The following BRD10 variants were observed in gnomAD, a reference collection of about 807,000 sequenced individuals.
BRD10 encodes the protein bromodomain containing 10.
the BRD10 span, among the ~76,000 whole-genome samples, chr9:5,983,069 G>A: frequency 6.6e-6 from 1 of 152,178 alleles, no homozygotes; most frequent in African/African-American, 2.4e-5. Context: ...TGTCCTGGCT[G>A]TGACTTCCTA....
the BRD10 span, among the ~76,000 whole-genome samples, chr9:5,954,741 G>C: frequency 6.6e-6 from 1 of 152,240 alleles, no homozygotes; most frequent in South Asian, 2.1e-4. Flanking sequence ...AGTATACACT[G>C]AAATATATCT....
chr9:5,995,251 C>CT, the BRD10 span, among the ~76,000 whole-genome samples: 2 of 152,186 alleles, frequency 1.3e-5, no homozygotes, highest in Non-Finnish European at 2.9e-5. Context: ...TCGCAGGTGA[C>CT]TGCCCATAAC....
the BRD10 span, among the ~76,000 whole-genome samples, chr9:5,958,646 G>T: frequency 1.3e-5 from 2 of 151,582 alleles, no homozygotes; most frequent in African/African-American, 4.8e-5. Flanking sequence ...GGAAGAAAAA[G>T]AACAGAAAAA....
At chr9:5,888,379 G>A in the BRD10 span, among the ~76,000 whole-genome samples, 3 of 152,170 alleles carry the variant, frequency 2.0e-5, no homozygotes, top group Non-Finnish European at 4.4e-5. Context: ...AATAAATGTG[G>A]TTATGTTATA....
the BRD10 span, chr9:5,906,869 T>A: frequency 6.6e-7 from 1 of 1,510,690 alleles, no homozygotes; most frequent in South Asian, 1.3e-5. Context: ...CTCACCTTTA[T>A]CAATTTACAT....
the BRD10 span, among the ~76,000 whole-genome samples, chr9:5,953,748 A>G: frequency 6.6e-6 from 1 of 151,762 alleles, no homozygotes; most frequent in African/African-American, 2.4e-5. Flanking sequence ...TTTCTATTAA[A>G]CTGCTTCTAG....
the BRD10 span, among the ~76,000 whole-genome samples, chr9:5,882,639 C>G: frequency 6.6e-5 from 10 of 152,142 alleles, no homozygotes; most frequent in Non-Finnish European, 1.0e-4. Flanking sequence ...TCTTTGTAGC[C>G]CAAAATAATT....
the BRD10 span, among the ~76,000 whole-genome samples, chr9:5,943,613 A>G: frequency 6.6e-6 from 1 of 152,060 alleles, no homozygotes; most frequent in South Asian, 2.1e-4. Context: ...TTTGAGGAAT[A>G]TATCACAGCA....
At chr9:5,921,728 G>A in the BRD10 span, 1 of 1,613,774 alleles carries the variant, frequency 6.2e-7, no homozygotes, top group Non-Finnish European at 8.5e-7. Context: ...TCCAAAATTT[G>A]CTGCTGATAT....
the BRD10 span, chr9:5,899,405 T>A: frequency 6.6e-6 from 1 of 152,226 alleles, no homozygotes; most frequent in Non-Finnish European, 1.5e-5. Context: ...CCCCAATGTC[T>A]TTCCAGAGCA....
At chr9:5,922,013 G>C in the BRD10 span, 2 of 1,614,022 alleles carry the variant, frequency 1.2e-6, no homozygotes, top group African/African-American at 2.7e-5. Context: ...AGAGGAAGAA[G>C]TTGTTGATTT....
At chr9:5,888,526 A>T in the BRD10 span, among the ~76,000 whole-genome samples, 13 of 152,232 alleles carry the variant, frequency 8.5e-5, no homozygotes, top group African/African-American at 3.1e-4. Flanking sequence ...CGAGTTCAAA[A>T]TGAGTTATAA....
chr9:5,918,815 CAAAAAAAA>C, the BRD10 span, among the ~76,000 whole-genome samples: 1 of 104,880 alleles, frequency 9.5e-6, no homozygotes, highest in Non-Finnish European at 2.0e-5. Context: ...ACAGGTGAGT[CAAAAAAAA>C]AAAAAAAAAA....
At chr9:5,948,281 G>A in the BRD10 span, among the ~76,000 whole-genome samples, 1 of 152,128 alleles carries the variant, frequency 6.6e-6, no homozygotes, top group Non-Finnish European at 1.5e-5. Context: ...GGAAACCACA[G>A]AACCCAGGAC....
At chr9:5,992,133 T>A in the BRD10 span, among the ~76,000 whole-genome samples, 3 of 152,230 alleles carry the variant, frequency 2.0e-5, no homozygotes, top group Non-Finnish European at 4.4e-5. Flanking sequence ...AGTTTCTTTT[T>A]CATGTCACTT....
At chr9:5,975,862 A>C in the BRD10 span, among the ~76,000 whole-genome samples, 1 of 152,200 alleles carries the variant, frequency 6.6e-6, no homozygotes, top group East Asian at 1.9e-4. Context: ...TTGGGGGTTA[A>C]AAATGAGACA....
At chr9:5,921,702 T>C in the BRD10 span, 6 of 1,613,942 alleles carry the variant, frequency 3.7e-6, no homozygotes, top group Non-Finnish European at 5.1e-6. Flanking sequence ...GTATGAATAA[T>C]ATTTGCATTG....
At chr9:5,897,538 T>C in the BRD10 span, 1 of 1,605,916 alleles carries the variant, frequency 6.2e-7, no homozygotes, top group African/African-American at 1.3e-5. Context: ...AAAGTGGATT[T>C]GTCTATCTCT....
the BRD10 span, chr9:5,988,299 T>C: frequency 6.7e-7 from 1 of 1,483,640 alleles, no homozygotes; most frequent in Non-Finnish European, 9.4e-7. Flanking sequence ...TATGGGCACA[T>C]AAAAATTATG....
Sources: allele counts gnomAD v4.1 joint callset (sites outside exome capture counted in the v4.1 genomes callset), GRCh38; gene constraint gnomAD v4.1.1; transcripts MANE v1.5; gene names NCBI Gene and HGNC (gene_info 2026-07-23, HGNC 2026-07-21).